The following CDK6 variants were observed in gnomAD, a reference collection of about 807,000 sequenced individuals.
CDK6 encodes the protein cyclin dependent kinase 6, also known as cyclin-dependent kinase 6.
In CDK6, 6 loss-of-function variants were observed where a neutral mutation model predicts 37.1. That is an observed-to-expected ratio of 0.16 (90% CI 0.09 to 0.32). CDK6 has a LOEUF of 0.32. CDK6 is among the 10% of genes least tolerant of loss of function. The probability of loss-of-function intolerance (pLI) is 1.00; values close to 1 mark genes in which losing one functional copy is unlikely to be tolerated. For missense variants in CDK6, 224 were observed against 418.9 expected (o/e 0.53, Z 4.06); for synonymous variants, 160 against 161.3 (o/e 0.99, Z 0.06).
intron 3 of CDK6, among the ~76,000 whole-genome samples, chr7:92,757,550 G>A (rs932075137): frequency 5.9e-5 from 9 of 152,200 alleles, no homozygotes; most frequent in African/African-American, 2.2e-4. Flanking sequence ...TATCCAGTCT[G>A]TCACTGATGG....
intron 6 of CDK6, 195 bp from the exon 7 acceptor site, chr7:92,618,402 A>G (rs1029180538): frequency 7.5e-6 from 4 of 534,486 alleles, no homozygotes; most frequent in Non-Finnish European, 1.3e-5. Context: ...GGAGAGGGTA[A>G]TCTCACAGAA....
chr7:92,719,650 A>G lies in CDK6; in HGVS notation c.537+5976T>C, dbSNP rs1798319847. On this transcript the variant is annotated intron_variant, in intron 4 of 7. Coordinates refer to ENST00000424848, the MANE Select transcript of CDK6 (RefSeq NM_001145306.2). Reference sequence around the variant, plus strand: ...AAAGAGGAATGTTTCTCTAAACTATACAGGTGTGTTTGGCACAGGCATTTG... The same window carrying G: ...AAAGAGGAATGTTTCTCTAAACTATGCAGGTGTGTTTGGCACAGGCATTTG... Among the ~76,000 whole-genome samples the G allele has an allele frequency of 2.0e-5, 3 of 152,240 alleles. No homozygotes were observed. In the South Asian group the frequency reaches 6.2e-4, roughly 32 times the overall value.
At chr7:92,713,780 T>C (rs1305258333) in intron 4 of CDK6, among the ~76,000 whole-genome samples, 1 of 152,064 alleles carries the variant, frequency 6.6e-6, no homozygotes, top group Non-Finnish European at 1.5e-5. Flanking sequence ...ACTTTGGTTT[T>C]CCAGAATATC....
intron 5 of CDK6, among the ~76,000 whole-genome samples, chr7:92,657,164 A>G (rs1221761051): frequency 6.6e-6 from 1 of 152,182 alleles, no homozygotes; most frequent in Non-Finnish European, 1.5e-5. Flanking sequence ...GTGTTTTATA[A>G]TCAAAAGTGG....
At chr7:92,716,866 C>G (rs1309952784) in intron 4 of CDK6, among the ~76,000 whole-genome samples, 1 of 152,138 alleles carries the variant, frequency 6.6e-6, no homozygotes, top group African/African-American at 2.4e-5. Flanking sequence ...AGCACAGAGG[C>G]ATATTCCCAA....
At chr7:92,622,182 C>T (rs184092360) in intron 6 of CDK6, among the ~76,000 whole-genome samples, 1 of 152,172 alleles carries the variant, frequency 6.6e-6, no homozygotes, top group Admixed American at 6.5e-5. Context: ...AAAAGGATGC[C>T]ACACTGCATG....
At chr7:92,715,315 T>A (rs534399542) in intron 4 of CDK6, among the ~76,000 whole-genome samples, 39 of 150,644 alleles carry the variant, frequency 2.6e-4, no homozygotes, top group African/African-American at 7.5e-4. Context: ...ATTTTGGGGT[T>A]TTTATGGTTG....
intron 2 of CDK6, among the ~76,000 whole-genome samples, chr7:92,798,406 T>G (rs991513537): frequency 2.0e-5 from 3 of 152,206 alleles, no homozygotes; most frequent in Non-Finnish European, 4.4e-5. Flanking sequence ...TCAAATCTCT[T>G]CTTTTGCATT....
At chr7:92,647,073 C>G (rs971227201) in intron 5 of CDK6, among the ~76,000 whole-genome samples, 9 of 152,214 alleles carry the variant, frequency 5.9e-5, no homozygotes, top group Non-Finnish European at 1.0e-4. Context: ...CAGAGCTACT[C>G]ACAGAGTGAT....
intron 6 of CDK6, among the ~76,000 whole-genome samples, chr7:92,618,925 T>C (rs1795741164): frequency 1.3e-5 from 2 of 152,158 alleles, no homozygotes; most frequent in African/African-American, 4.8e-5. Context: ...GCTTCGGAAA[T>C]AGGCAGATTT....
At chr7:92,699,473 AC>A (rs1797794109) in intron 4 of CDK6, among the ~76,000 whole-genome samples, 1 of 152,180 alleles carries the variant, frequency 6.6e-6, no homozygotes, top group South Asian at 2.1e-4. Flanking sequence ...TTTCTACTAA[AC>A]CAAATTCTCC....
chr7:92,698,424 T>A (rs907615757), intron 4 of CDK6, among the ~76,000 whole-genome samples: 14 of 152,192 alleles, frequency 9.2e-5, no homozygotes, highest in Admixed American at 8.5e-4. Context: ...ATTCCTGATA[T>A]ATGCTGTAAT....
chr7:92,742,903 A>G (rs1798961151), intron 3 of CDK6, among the ~76,000 whole-genome samples: 2 of 152,170 alleles, frequency 1.3e-5, no homozygotes, highest in Non-Finnish European at 2.9e-5. Context: ...CTTAAAATGT[A>G]CAAGTATGGG....
chr7:92,760,714 T>G (rs938692534), intron 3 of CDK6, among the ~76,000 whole-genome samples: 2 of 152,160 alleles, frequency 1.3e-5, no homozygotes, highest in Admixed American at 6.5e-5. Flanking sequence ...ATATATACTG[T>G]TAATAATTTC....
intron 2 of CDK6, among the ~76,000 whole-genome samples, chr7:92,823,229 A>G (rs919567193): frequency 2.0e-5 from 3 of 151,850 alleles, no homozygotes; most frequent in African/African-American, 7.3e-5. Flanking sequence ...CTCTCCTTGA[A>G]ATCAGTTCCA....
At chr7:92,826,889 A>T (rs1801331901) in intron 2 of CDK6, among the ~76,000 whole-genome samples, 5 of 152,180 alleles carry the variant, frequency 3.3e-5, no homozygotes, top group Admixed American at 3.3e-4. Context: ...ATGGTTATGG[A>T]CACCATGTTA....
Position 92,833,317 on chromosome 7 carries a change from T to G in CDK6, c.7A>C (p.Lys3Gln). 1.3e-6 allele frequency: 2 copies of G among 1,586,576 alleles called. No homozygotes were observed. The highest frequency in any genetic ancestry group is 1.7e-6 in the Non-Finnish European group (2 of 1,169,554). Residue 3 changes from lysine to glutamine, a missense_variant, in exon 2 of 8, where the codon AAG (lysine) becomes CAG (glutamine). Physicochemically the swap from Lys to Gln is moderately conservative, Grantham distance 53. This residue lies in a region of CDK6 where 18 missense variants were observed against 18.5 expected (regional missense o/e 0.97). Transcript: ENST00000424848. The surrounding 1 kb of genome is among the most constrained non-coding windows in gnomAD (Gnocchi z 6.1). ...TGGTCAGCGCGGCACAGGCCGTCCTTCTCCATGCCGCCTGGACGCCGCCCG... is the reference window on the plus strand; with the variant it reads ...TGGTCAGCGCGGCACAGGCCGTCCTGCTCCATGCCGCCTGGACGCCGCCCG... Reference protein sequence around the residue: MEKDGLCRADQQY... With the variant: MEQDGLCRADQQY...
At chr7:92,663,891 C>T (rs562428527) in intron 5 of CDK6, among the ~76,000 whole-genome samples, 1 of 152,180 alleles carries the variant, frequency 6.6e-6, no homozygotes, top group South Asian at 2.1e-4. Flanking sequence ...CGGTGGCTCA[C>T]GCCTGTAATC....
intron 7 of CDK6, among the ~76,000 whole-genome samples, chr7:92,616,633 T>A (rs955232741): frequency 6.6e-6 from 1 of 152,152 alleles, no homozygotes; most frequent in Admixed American, 6.5e-5. Flanking sequence ...AGTTCTCTTT[T>A]CCCAGAGCCC....
Sources: allele counts gnomAD v4.1 joint callset (sites outside exome capture counted in the v4.1 genomes callset), GRCh38; gene constraint gnomAD v4.1.1; regional missense constraint gnomAD v4.1.1; non-coding constraint Gnocchi (gnomAD v3.1); transcripts MANE v1.5; gene names NCBI Gene and HGNC (gene_info 2026-07-23, HGNC 2026-07-21).